Variants in GSE1 observed in about 807,000 individuals in gnomAD.
The protein encoded by GSE1 is genetic suppressor element 1.
In GSE1, 32 loss-of-function variants were observed where a neutral mutation model predicts 112.6. The ratio of observed to expected loss-of-function variants is 0.28; its 90% CI spans 0.21 to 0.38. GSE1 has a LOEUF of 0.38. Among genes scored for constraint, GSE1 ranks in the 10% least tolerant of loss-of-function variants. The pLI, the probability that GSE1 is intolerant of heterozygous loss-of-function variation, is 1.00. For missense variants in GSE1, 2,348 were observed against 1,699.2 expected (o/e 1.38, Z -6.71); for synonymous variants, 1,115 against 735.6 (o/e 1.52, Z -8.35).
At position 85,661,558 on chromosome 16, in the gene GSE1, A is replaced by T. The variant is rs761570513; in HGVS notation, c.2053A>T (p.Ile685Phe). 1.2e-5 allele frequency: 20 copies of T among 1,611,418 alleles called. No individual in the cohort carries two copies. Among genetic ancestry groups the T allele is most frequent in the Non-Finnish European group, 2.5e-6 (3 of 1,179,574 alleles). Residue 685 changes from isoleucine (I) to phenylalanine (F), a missense_variant, in exon 9 of 16, where the codon ATC (isoleucine) becomes TTC (phenylalanine). Ile to Phe is a conservative substitution (Grantham distance 21). Transcript: ENST00000253458. Reference protein sequence around the residue: ...LAELEKSTQTILGQQRASLPQ... With the variant: ...LAELEKSTQTFLGQQRASLPQ... ...TGAGCTCGAGAAGTCCACCCAGACCATCCTGGGCCAGCAGCGGGCCTCCCT... is the reference window on the plus strand; with the variant it reads ...TGAGCTCGAGAAGTCCACCCAGACCTTCCTGGGCCAGCAGCGGGCCTCCCT...
At chr16:85,660,630 C>G (rs1025421254) in intron 8 of GSE1, among the ~76,000 whole-genome samples, 10 of 149,458 alleles carry the variant, frequency 6.7e-5, no homozygotes, top group South Asian at 2.2e-4. Flanking sequence ...CAGAGTGAGT[C>G]TTTTTTTTTG....
Position 85,665,055 on chromosome 16 carries a change from G to A in GSE1, c.2685G>A (p.Gln895=). ...RLVEMLRAMK[Q]KALSAAVADS... ...TTGAAATGCTCCGTGCCATGAAGCAGAAGGCACTGTCAGCAGCAGTGGCCG... is the reference window on the plus strand; with the variant it reads ...TTGAAATGCTCCGTGCCATGAAGCAAAAGGCACTGTCAGCAGCAGTGGCCG... Residue 895 remains glutamine, a synonymous_variant, in exon 12 of 16, where the codon CAG becomes CAA. Coordinates refer to ENST00000253458, the MANE Select transcript of GSE1 (RefSeq NM_014615.5). The A allele has an allele frequency of 6.2e-7, 1 of 1,612,678 alleles. No individual in the cohort carries two copies. The highest frequency in any genetic ancestry group is 8.5e-7 in the Non-Finnish European group (1 of 1,178,862).
intron 1 of GSE1, among the ~76,000 whole-genome samples, chr16:85,568,431 C>T (rs2045849966): frequency 6.6e-6 from 1 of 152,164 alleles, no homozygotes; most frequent in Non-Finnish European, 1.5e-5. Context: ...CAAGATGGGC[C>T]CCTCACTGGA....
At chr16:85,651,888 G>C (rs2051387840) in intron 3 of GSE1, among the ~76,000 whole-genome samples, 1 of 152,188 alleles carries the variant, frequency 6.6e-6, no homozygotes, top group African/African-American at 2.4e-5. Context: ...TTGGATGCTG[G>C]GGGGCCAGGG....
chr16:85,411,367 A>T lies in GSE1; in HGVS notation c.2464+53724A>T, dbSNP rs1438594067. 2.0e-4 allele frequency among the ~76,000 whole-genome samples: 3 copies of T among 15,308 alleles called. 1 individual carries two copies. The highest frequency in any genetic ancestry group is 4.6e-4 in the African/African-American group (2 of 4,304). 10.0% of individuals were successfully genotyped at this position (15,308 alleles called of 152,430 possible). On this transcript the variant is annotated intron_variant, in intron 2 of 2. Coordinates refer to the GSE1 transcript ENST00000637419. Reference sequence around the variant, plus strand: ...CCCCCTGGATAATCCTCACTGTTACACTCAGGCCTCCCGGATAATCCTCAC... The same window carrying T: ...CCCCCTGGATAATCCTCACTGTTACTCTCAGGCCTCCCGGATAATCCTCAC...
chr16:85,417,071 G>T (rs2048719947), intron 2 of GSE1, among the ~76,000 whole-genome samples: 2 of 152,154 alleles, frequency 1.3e-5, no homozygotes. Context: ...GCCCAGGCTG[G>T]TCTCAAACTT....
rs949500223 is a variant in GSE1 at position 85,234,170 on chromosome 16, G to A, written c.2283+62363G>A. Reference sequence around the variant, plus strand: ...GGGAGTCTTGGTGCAGGCCAGGAAGGTATCCACTCCCCGCCCTCCTATATT... The same window carrying A: ...GGGAGTCTTGGTGCAGGCCAGGAAGATATCCACTCCCCGCCCTCCTATATT... On this transcript the variant is annotated intron_variant, in intron 1 of 2. Coordinates refer to the GSE1 transcript ENST00000637419. Among the ~76,000 whole-genome samples the A allele has an allele frequency of 2.0e-5, 3 of 152,090 alleles. No individual in the cohort carries two copies. The South Asian group carries it at 6.2e-4, about 32-fold the overall frequency.
chr16:85,516,225 C>T (rs1260616496), intron 2 of GSE1, among the ~76,000 whole-genome samples: 1 of 152,080 alleles, frequency 6.6e-6, no homozygotes, highest in East Asian at 1.9e-4. Flanking sequence ...CGGAGCTGGG[C>T]TGTGATCTGG....
intron 1 of GSE1, among the ~76,000 whole-genome samples, chr16:85,195,622 T>C (rs1261191634): frequency 6.6e-6 from 1 of 152,208 alleles, no homozygotes; most frequent in Non-Finnish European, 1.5e-5. Flanking sequence ...TAATCCCCTA[T>C]CGAGGTAAAG....
intron 1 of GSE1, among the ~76,000 whole-genome samples, chr16:85,586,144 C>T (rs2046681078): frequency 6.6e-6 from 1 of 152,208 alleles, no homozygotes; most frequent in African/African-American, 2.4e-5. Context: ...GTCTCTGTGT[C>T]CAGATTTCCC....
chr16:85,609,919 A>G (rs1230524280), upstream of GSE1, among the ~76,000 whole-genome samples: 1 of 152,122 alleles, frequency 6.6e-6, no homozygotes, highest in Non-Finnish European at 1.5e-5. Flanking sequence ...GGCCCCCCCA[A>G]AGTGCTGGGA....
chr16:85,601,305 G>A (rs1366681946), intron 1 of GSE1, among the ~76,000 whole-genome samples: 2 of 152,028 alleles, frequency 1.3e-5, no homozygotes, highest in African/African-American at 2.4e-5. Flanking sequence ...CCCAGGAGAG[G>A]AGGCAGCAGG....
Position 85,661,495 on chromosome 16 carries a change from C to T in GSE1, c.1990C>T (p.His664Tyr), listed in dbSNP as rs1329541698. Residue 664 changes from histidine to tyrosine, a missense_variant, in exon 9 of 16, where the codon CAC becomes TAC. By Grantham distance (83) the His-to-Tyr change is moderately conservative. Transcript: ENST00000253458. ...PPPREGGSLE[H>Y]QPFLPGPGPF... ...ACCACGAGAGGGAGGGAGCCTGGAG[C>T]ACCAGCCCTTCCTGCCCGGGCCCGG... The T allele has an allele frequency of 6.2e-7, 1 of 1,611,934 alleles. No individual in the cohort carries two copies. The highest frequency in any genetic ancestry group is 1.1e-5 in the South Asian group (1 of 91,042).
intron 1 of GSE1, among the ~76,000 whole-genome samples, chr16:85,292,397 T>C (rs1347852787): frequency 1.3e-5 from 2 of 151,824 alleles, no homozygotes; most frequent in Admixed American, 6.6e-5. Context: ...GGCGCGATCT[T>C]GGCTCACTGC....
chr16:85,302,842 A>G lies in GSE1; in HGVS notation c.2284-54621A>G, dbSNP rs552003002. ...GTGGGTGAGGTCAGCGGCTGTCACA[A>G]GTAACCCTGCGTCTTCAGTGGCGTG... On this transcript the variant is annotated intron_variant, in intron 1 of 2. Transcript: ENST00000637419. Among the ~76,000 whole-genome samples the G allele has an allele frequency of 1.2e-3, 178 of 152,312 alleles. 2 individuals are homozygous for G. Among genetic ancestry groups the G allele is most frequent in the African/African-American group, 4.1e-3 (170 of 41,566 alleles).
chr16:85,672,753 TG>T lies in GSE1; in HGVS notation c.*215del. 2.6e-6 allele frequency: 1 copy of T among 389,692 alleles called. No individual in the cohort carries two copies. The highest frequency in any genetic ancestry group is 4.6e-6 in the Non-Finnish European group (1 of 217,734). The allele number at this position is 389,692 out of a possible 1,614,324, so 24.1% of individuals were successfully genotyped here. ...CCGTTGTCATTCAGCGAGCAACCAA[TG>T]TAGGATTGCCCACAGTTTTTCTTTT... On this transcript the variant is annotated 3_prime_UTR_variant, in exon 16 of 16. Coordinates refer to ENST00000253458, the MANE Select transcript of GSE1 (RefSeq NM_014615.5).
intron 1 of GSE1, among the ~76,000 whole-genome samples, chr16:85,632,781 C>T (rs1348436495): frequency 6.6e-6 from 1 of 152,132 alleles, no homozygotes; most frequent in Non-Finnish European, 1.5e-5. Context: ...CAGCGCCCCC[C>T]CGCCCCAAGA....
chr16:85,313,686 A>G (rs1245306463), intron 1 of GSE1, among the ~76,000 whole-genome samples: 1 of 152,168 alleles, frequency 6.6e-6, no homozygotes, highest in Non-Finnish European at 1.5e-5. Flanking sequence ...GGGCGGTCAG[A>G]ACAGGCTGTG....
chr16:85,297,279 C>T (rs1188719502), intron 1 of GSE1, among the ~76,000 whole-genome samples: 1 of 151,826 alleles, frequency 6.6e-6, no homozygotes, highest in African/African-American at 2.4e-5. Flanking sequence ...GCTCACAGGG[C>T]CAGAGGCCTC....
Sources: allele counts gnomAD v4.1 joint callset (sites outside exome capture counted in the v4.1 genomes callset), GRCh38; gene constraint gnomAD v4.1.1; transcripts MANE v1.5; gene names NCBI Gene and HGNC (gene_info 2026-07-23, HGNC 2026-07-21).